Variants in PPP6R1 observed in about 807,000 individuals in gnomAD.
PPP6R1 encodes the protein protein phosphatase 6 regulatory subunit 1, also known as serine/threonine-protein phosphatase 6 regulatory subunit 1.
PPP6R1 carries 39 observed loss-of-function variants against 104.6 expected under a neutral mutation model. The observed-to-expected ratio is 0.37, with a 90% CI of 0.29 to 0.49. The LOEUF (loss-of-function observed/expected upper bound fraction) is 0.49. Ranked by LOEUF, PPP6R1 falls within the 20% of genes least tolerant of loss-of-function variation. The pLI, the probability that PPP6R1 is intolerant of heterozygous loss-of-function variation, is 0.98. For missense variants in PPP6R1, 1,181 were observed against 1,155.8 expected (o/e 1.02, Z -0.32); for synonymous variants, 549 against 479.0 (o/e 1.15, Z -1.91).
At chr19:55,235,516 TTCC>T (rs1246862055) in intron 17 of PPP6R1, among the ~76,000 whole-genome samples, 5 of 147,148 alleles carry the variant, frequency 3.4e-5, no homozygotes, top group Non-Finnish European at 6.0e-5. Flanking sequence ...TTGAATTAGA[TTCC>T]TTTTTTTTTT....
chr19:55,230,404 GGA>G lies in PPP6R1; in HGVS notation c.*122_*123del. 6.3e-6 allele frequency: 9 copies of G among 1,426,360 alleles called. No individual in the cohort carries two copies. Among genetic ancestry groups the G allele is most frequent in the Non-Finnish European group, 7.7e-6 (8 of 1,038,158 alleles). 88.4% of individuals were successfully genotyped at this position (1,426,360 alleles called of 1,614,324 possible). ...GGCACCAGCCTCCTGGGGGTCCAGA[GGA>G]GAGAATGTGGGGGTGTCAGGGTGAT... On this transcript the variant is annotated 3_prime_UTR_variant, in exon 24 of 24. Transcript: ENST00000412770.
intron 1 of PPP6R1, chr19:55,247,360 A>C: frequency 5.5e-5 from 28 of 511,660 alleles, no homozygotes; most frequent in East Asian, 1.0e-4. Context: ...CTCTTCCCCC[A>C]TCTCCAGCCT....
intron 15 of PPP6R1, among the ~76,000 whole-genome samples, chr19:55,238,446 A>C (rs911821189): frequency 2.0e-5 from 3 of 152,138 alleles, no homozygotes. Flanking sequence ...TCCAGCTCCC[A>C]CACACTAACC....
At chr19:55,232,896 T>G (rs1477253209) in intron 17 of PPP6R1, 2 of 152,396 alleles carry the variant, frequency 1.3e-5, no homozygotes, top group East Asian at 3.8e-4. Flanking sequence ...TAGGCGATTT[T>G]GCTATTGTGT....
chr19:55,246,938 C>T lies in PPP6R1; in HGVS notation c.166G>A (p.Ala56Thr), dbSNP rs1177074423. The T allele has an allele frequency of 4.3e-6, 7 of 1,613,750 alleles. No individual in the cohort carries two copies. In the South Asian group the frequency reaches 6.6e-5, roughly 15 times the overall value. ...DFLLQPPHLQAMVAWVTQEPP... is the reference protein window; with the variant it reads ...DFLLQPPHLQTMVAWVTQEPP... Reference sequence around the variant, plus strand: ...TCCTGGGTGACCCAGGCCACCATTGCTTGCAGGTGGGGTGGCTGCAGCAGG... The same window carrying T: ...TCCTGGGTGACCCAGGCCACCATTGTTTGCAGGTGGGGTGGCTGCAGCAGG... The change falls in exon 2 of 24, where the codon GCA becomes ACA. Residue 56 changes from alanine (A) to threonine (T), a missense_variant. Transcript: ENST00000412770.
intron 10 of PPP6R1, 139 bp from the exon 11 acceptor site, chr19:55,240,439 G>T: frequency 2.3e-6 from 2 of 863,382 alleles, no homozygotes; most frequent in Admixed American, 2.3e-5. Context: ...GGGAAGGAGG[G>T]ATGCAAGCTG....
In PPP6R1 at chr19:55,240,209, G is replaced by C. The variant is rs199835599; in HGVS notation, c.1361+27C>G. 1.1e-3 allele frequency: 1,783 copies of C among 1,576,852 alleles called. 2 individuals carry two copies. The highest frequency in any genetic ancestry group is 1.5e-3 in the Non-Finnish European group (1,694 of 1,161,762). ...CCCATCCAGGCAGCCCCAGCCCCTG[G>C]AGACATGAAGGGCAGCAGGTGCTCA... On this transcript the variant is annotated intron_variant, in intron 11 of 23. Coordinates refer to ENST00000412770, the MANE Select transcript of PPP6R1 (RefSeq NM_014931.4).
chr19:55,254,343 C>T (rs1415736225), intron 1 of PPP6R1, among the ~76,000 whole-genome samples: 1 of 152,234 alleles, frequency 6.6e-6, no homozygotes, highest in Non-Finnish European at 1.5e-5. Flanking sequence ...AAAACTACCT[C>T]TGCCGCTCTC....
chr19:55,228,365 C>T (rs1056124328), downstream of PPP6R1: 19 of 1,613,744 alleles, frequency 1.2e-5, no homozygotes, highest in Non-Finnish European at 1.5e-5. Context: ...AGCTGGTCCT[C>T]GGGAATCCAG....
At chr19:55,247,365 C>T in intron 1 of PPP6R1, 1 of 526,346 alleles carries the variant, frequency 1.9e-6, no homozygotes, top group South Asian at 2.1e-5. Flanking sequence ...CCCCCATCTC[C>T]AGCCTCCCGG....
In PPP6R1 at chr19:55,258,797, G is replaced by A. The variant is rs1229353819; in HGVS notation, c.-369C>T. 1 of 152,098 alleles carries A rather than the reference G, an allele frequency of 6.6e-6. No individual in the cohort carries two copies. The highest frequency in any genetic ancestry group is 1.5e-5 in the Non-Finnish European group (1 of 67,982). The allele number at this position is 152,098 out of a possible 1,614,324, so 9.4% of individuals were successfully genotyped here. A position where few individuals can be genotyped will look rare whatever the true frequency, so the allele number is the denominator to read the frequency against. ...ACGCAGGCGCCTCAGCCGGGAAGACGGGGGAAGTTGCCCCGGTTTCCACAG... is the reference window on the plus strand; with the variant it reads ...ACGCAGGCGCCTCAGCCGGGAAGACAGGGGAAGTTGCCCCGGTTTCCACAG... On this transcript the variant is annotated 5_prime_UTR_variant, in exon 1 of 24. Transcript: ENST00000412770.
At chr19:55,248,149 G>C (rs1010504516) in intron 1 of PPP6R1, among the ~76,000 whole-genome samples, 1 of 152,218 alleles carries the variant, frequency 6.6e-6, no homozygotes, top group African/African-American at 2.4e-5. Context: ...CCTCCACACA[G>C]ACCTTCCACT....
At chr19:55,232,348 T>TCACA in intron 17 of PPP6R1, 137 bp from the exon 18 acceptor site, 2 of 1,357,518 alleles carry the variant, frequency 1.5e-6, no homozygotes, top group South Asian at 3.1e-5. Flanking sequence ...CCAGGGAGCC[T>TCACA]GGGGTGTGAC....
chr19:55,245,470 G>T lies in PPP6R1; in HGVS notation c.414+22C>A, dbSNP rs775622775. On this transcript the variant is annotated intron_variant, in intron 3 of 23. Coordinates refer to ENST00000412770, the MANE Select transcript of PPP6R1 (RefSeq NM_014931.4). This position sits in a 1 kb window ranked among gnomAD's most constrained non-coding sequence, Gnocchi z 6.4. ...CCACCACCCCTCAACCCACGGTGGC[G>T]CCAGGGTGGGGGCCAGGGCACCTGG... The T allele has an allele frequency of 6.2e-7, 1 of 1,609,846 alleles. No homozygotes were observed. The highest frequency in any genetic ancestry group is 1.1e-5 in the South Asian group (1 of 90,398).
chr19:55,243,404 C>CAAAAAAAAA (rs58375899), intron 5 of PPP6R1, among the ~76,000 whole-genome samples: 7 of 49,136 alleles, frequency 1.4e-4, no homozygotes, highest in African/African-American at 5.0e-4. Context: ...GACTCCATCT[C>CAAAAAAAAA]AAAAAAAAAA....
At position 55,230,434 on chromosome 19, in the gene PPP6R1, G is replaced by T; in HGVS notation, c.*94C>A. On this transcript the variant is annotated 3_prime_UTR_variant, in exon 24 of 24. Transcript: ENST00000412770. ...GAATGTGGGGGTGTCAGGGTGATGAGGGCAATGGGGGCCATCGTGGGACCC... is the reference window on the plus strand; with the variant it reads ...GAATGTGGGGGTGTCAGGGTGATGATGGCAATGGGGGCCATCGTGGGACCC... The T allele has an allele frequency of 6.4e-7, 1 of 1,556,664 alleles. No individual in the cohort carries two copies. The highest frequency in any genetic ancestry group is 1.1e-5 in the South Asian group (1 of 87,824).
At chr19:55,231,384 C>T in intron 21 of PPP6R1, 26 bp downstream of exon 21, 1 of 1,563,920 alleles carries the variant, frequency 6.4e-7, no homozygotes, top group Non-Finnish European at 8.7e-7. Context: ...TCTCCCGATA[C>T]TAGGCAGCCC....
At position 55,245,706 on chromosome 19, in the gene PPP6R1, G is replaced by T; in HGVS notation, c.228-28C>A. 6.3e-7 allele frequency: 1 copy of T among 1,580,578 alleles called. No homozygotes were observed. ...GGGAGGCAAGCACAGGCGGGTGGGG[G>T]CTCGGGTCGGAGGCCGGGGGCAGGG... On this transcript the variant is annotated intron_variant, in intron 2 of 23. Coordinates refer to ENST00000412770, the MANE Select transcript of PPP6R1 (RefSeq NM_014931.4). This position sits in a 1 kb window ranked among gnomAD's most constrained non-coding sequence, Gnocchi z 6.4.
intron 5 of PPP6R1, among the ~76,000 whole-genome samples, chr19:55,244,741 TTTTC>T (rs1485270068): frequency 1.9e-4 from 29 of 152,110 alleles, no homozygotes; most frequent in East Asian, 7.7e-4. Context: ...CACCAATTTC[TTTTC>T]TTTCTTTTTT....
Sources: gnomAD v4.1 joint callset for allele counts (sites outside exome capture counted in the v4.1 genomes callset) on GRCh38, gnomAD v4.1.1 for gene constraint, Gnocchi (gnomAD v3.1) non-coding constraint, MANE v1.5 for transcripts, NCBI Gene and HGNC (gene_info 2026-07-23, HGNC 2026-07-21) for gene names.